The following IFFO2 variants were observed in gnomAD, a reference collection of about 807,000 sequenced individuals.
IFFO2 encodes the protein intermediate filament family orphan 2.
Under a neutral mutation model 53.5 loss-of-function variants are expected in IFFO2, and 19 were observed. The ratio of observed to expected loss-of-function variants is 0.36; its 90% CI spans 0.25 to 0.52. The LOEUF (loss-of-function observed/expected upper bound fraction) is 0.52, where lower values mean the gene tolerates loss of function less well. Among genes scored for constraint, IFFO2 ranks in the 20% least tolerant of loss-of-function variants. IFFO2 has a pLI of 0.94. For synonymous variants in IFFO2, 303 were observed against 313.6 expected (o/e 0.97, Z 0.36); for missense variants, 570 against 727.4 (o/e 0.78, Z 2.49).
At chr1:18,909,835 C>G (rs928449623) in intron 8 of IFFO2, among the ~76,000 whole-genome samples, 2 of 152,098 alleles carry the variant, frequency 1.3e-5, no homozygotes, top group Admixed American at 1.3e-4. Context: ...TGGGCTCAAG[C>G]AATCCTCCCA....
Position 18,955,941 on chromosome 1 carries a change from G to T in IFFO2, c.392C>A (p.Ala131Asp). The change falls in exon 1 of 9, where the codon GCC becomes GAC. Residue 131 changes from alanine to aspartate, a missense_variant. Ala to Asp is a moderately radical substitution (Grantham distance 126). Coordinates refer to ENST00000455833, the MANE Select transcript of IFFO2 (RefSeq NM_001136265.2). ...GGCCACGGCATTGGCGTTGGCGCCG[G>T]CCGCCGCGCCACTGCTGAGGCCGTG... is the stretch of plus-strand genomic sequence containing the variant. ...GGHGLSSGAAAGANANAVALG... is the reference protein window; with the variant it reads ...GGHGLSSGAADGANANAVALG... 1 of 1,265,104 alleles carries T rather than the reference G, an allele frequency of 7.9e-7. No homozygotes were observed. The highest frequency in any genetic ancestry group is 1.6e-5 in the African/African-American group (1 of 63,592). The allele number at this position is 1,265,104 out of a possible 1,614,324, so 78.4% of individuals were successfully genotyped here.
At chr1:18,911,330 C>A in intron 7 of IFFO2, 54 bp downstream of exon 7, 2 of 903,206 alleles carry the variant, frequency 2.2e-6, no homozygotes, top group African/African-American at 1.7e-5. Context: ...AGGATCTCAA[C>A]CATGTGGACC....
intron 5 of IFFO2, among the ~76,000 whole-genome samples, chr1:18,915,544 G>A (rs936612010): frequency 1.3e-5 from 2 of 152,090 alleles, no homozygotes; most frequent in African/African-American, 4.8e-5. Context: ...GTTTCCTACT[G>A]ACAGCGTACT....
At chr1:18,926,009 A>T (rs796637795) in intron 1 of IFFO2, among the ~76,000 whole-genome samples, 330 of 19,130 alleles carry the variant, frequency 0.017, no homozygotes, top group Middle Eastern at 0.021. Flanking sequence ...GATTGGTTGG[A>T]TGGATGGATG....
rs1377228516 is a variant in IFFO2 at position 18,907,925 on chromosome 1, C to G, written c.*636G>C. On this transcript the variant is annotated 3_prime_UTR_variant, in exon 9 of 9. Coordinates refer to ENST00000455833, the MANE Select transcript of IFFO2 (RefSeq NM_001136265.2). ...TGTCCCTTCAACTTTGCCACTCGAT[C>G]CCCCCAAAAAATTAAAATGTGTCCT... The G allele has an allele frequency of 1.3e-5, 2 of 153,292 alleles. No individual in the cohort carries two copies. The highest frequency in any genetic ancestry group is 4.8e-5 in the African/African-American group (2 of 41,468). The allele number at this position is 153,292 out of a possible 1,614,324, so 9.5% of individuals were successfully genotyped here.
chr1:18,920,995 C>T, intron 2 of IFFO2, 66 bp downstream of exon 2: 1 of 1,397,330 alleles, frequency 7.2e-7, no homozygotes, highest in African/African-American at 1.4e-5. Flanking sequence ...CGCATGAAGA[C>T]TGTGCCCCTT....
Position 18,908,530 on chromosome 1 carries a change from C to G in IFFO2, c.*31G>C. 1 of 1,510,800 alleles carries G rather than the reference C, an allele frequency of 6.6e-7. No individual in the cohort carries two copies. Among genetic ancestry groups the G allele is most frequent in the South Asian group, 1.2e-5 (1 of 83,246 alleles). The allele number at this position is 1,510,800 out of a possible 1,614,324, so 93.6% of individuals were successfully genotyped here. A position where few individuals can be genotyped will look rare whatever the true frequency, so the allele number is the denominator to read the frequency against. On this transcript the variant is annotated 3_prime_UTR_variant, in exon 9 of 9. Coordinates refer to ENST00000455833, the MANE Select transcript of IFFO2 (RefSeq NM_001136265.2). ...AGGAGAGGTGGCAGGGCCCCATCAC[C>G]AAGACCACCAGGCTCGCAGGGCCTC...
At chr1:18,921,436 T>G (rs994593760) in intron 1 of IFFO2, among the ~76,000 whole-genome samples, 2 of 152,256 alleles carry the variant, frequency 1.3e-5, no homozygotes, top group African/African-American at 2.4e-5. Flanking sequence ...TAAAGTGCTG[T>G]GCAAGCACTG....
intron 1 of IFFO2, among the ~76,000 whole-genome samples, chr1:18,922,369 C>T (rs1383234137): frequency 1.3e-5 from 2 of 152,142 alleles, no homozygotes; most frequent in Non-Finnish European, 1.5e-5. Flanking sequence ...TACATGGCCT[C>T]GGAGCAGGGC....
chr1:18,915,487 C>T (rs1243980963), intron 5 of IFFO2, among the ~76,000 whole-genome samples: 2 of 152,142 alleles, frequency 1.3e-5, no homozygotes, highest in African/African-American at 4.8e-5. Context: ...CAGGCTCGCC[C>T]ACCACTGATC....
At chr1:18,924,743 G>A (rs955844078) in intron 1 of IFFO2, among the ~76,000 whole-genome samples, 4 of 152,294 alleles carry the variant, frequency 2.6e-5, no homozygotes, top group African/African-American at 4.8e-5. Context: ...CATTTTCCTC[G>A]AGTCTCCCTC....
intron 8 of IFFO2, among the ~76,000 whole-genome samples, chr1:18,908,906 G>A (rs1217845464): frequency 1.3e-5 from 2 of 152,138 alleles, no homozygotes; most frequent in Admixed American, 1.3e-4. Context: ...CTTGGGAGCT[G>A]GACCGTGGAT....
chr1:18,931,846 C>G (rs1310182289), intron 1 of IFFO2, among the ~76,000 whole-genome samples: 1 of 152,208 alleles, frequency 6.6e-6, no homozygotes, highest in Admixed American at 6.5e-5. Context: ...GCCCACACCC[C>G]CAGCACATCA....
chr1:18,918,611 G>T lies in IFFO2; in HGVS notation c.823-109C>A, dbSNP rs1936169934. The T allele has an allele frequency of 1.7e-6, 2 of 1,167,246 alleles. No individual in the cohort carries two copies. The allele number at this position is 1,167,246 out of a possible 1,614,324, so 72.3% of individuals were successfully genotyped here. A position where few individuals can be genotyped will look rare whatever the true frequency, so the allele number is the denominator to read the frequency against. ...GTGTCAGCAGGGGTGGTGCGGGGAG[G>T]CCTCCAGAGTCCGAGGGTGCCTTGG... On this transcript the variant is annotated intron_variant, in intron 3 of 8. Transcript: ENST00000455833. The surrounding 1 kb of genome is among the most constrained non-coding windows in gnomAD (Gnocchi z 5.2).
intron 8 of IFFO2, among the ~76,000 whole-genome samples, chr1:18,909,549 G>T (rs1441653946): frequency 6.6e-6 from 1 of 152,106 alleles, no homozygotes. Flanking sequence ...CGTGGGGGCG[G>T]TTTCCCCCAT....
rs970635416 is a variant in IFFO2 at position 18,907,482 on chromosome 1, G to C, written c.*1079C>G. ...CAGTCCTAACCCAAGGCGGGTAGAA[G>C]GGAGCAGAGACCAGGCCTGGCCCCT... On this transcript the variant is annotated 3_prime_UTR_variant, in exon 9 of 9. Transcript: ENST00000455833. The C allele has an allele frequency of 3.3e-5, 5 of 152,348 alleles. No homozygotes were observed. 9.4% of individuals were successfully genotyped at this position (152,348 alleles called of 1,614,324 possible).
intron 1 of IFFO2, among the ~76,000 whole-genome samples, chr1:18,925,840 A>ATTGGT (rs1557643106): frequency 6.4e-5 from 4 of 62,336 alleles, no homozygotes; most frequent in Admixed American, 4.4e-4. Context: ...GGATGGATGG[A>ATTGGT]TGGATGGATG....
chr1:18,928,321 C>T lies in IFFO2; in HGVS notation c.666-7200G>A, dbSNP rs1936330441. ...ATCAGAGCCCGGCTGCCCAGCTGTA[C>T]TCTCCAGCTCTCGGAAGGAAAGACA... On this transcript the variant is annotated intron_variant, in intron 1 of 8. Transcript: ENST00000455833. The surrounding 1 kb of genome is among the most constrained non-coding windows in gnomAD (Gnocchi z 4.9). Among the ~76,000 whole-genome samples the T allele has an allele frequency of 6.6e-6, 1 of 152,214 alleles. No homozygotes were observed. The highest frequency in any genetic ancestry group is 2.1e-4 in the South Asian group (1 of 4,826).
chr1:18,918,404 G>A lies in IFFO2; in HGVS notation c.921C>T (p.Val307=), dbSNP rs368350318. ...CGTCTTCTGAGTTCCGCTGCTGTGC[G>A]ACATCGCACAGCTTGGCCGTGATAT... The part of the protein sequence containing the change: ...RIDITAKLCD[V]AQQRNSEDVS... Residue 307 remains valine, a synonymous_variant, in exon 4 of 9, where the codon GTC becomes GTT. Transcript: ENST00000455833. The surrounding 1 kb of genome is among the most constrained non-coding windows in gnomAD (Gnocchi z 5.2). 11 of 1,554,902 alleles carry A rather than the reference G, an allele frequency of 7.1e-6. No homozygotes were observed. Among genetic ancestry groups the A allele is most frequent in the East Asian group, 4.9e-5 (2 of 41,164 alleles).
Sources: allele counts gnomAD v4.1 joint callset (sites outside exome capture counted in the v4.1 genomes callset), GRCh38; gene constraint gnomAD v4.1.1; non-coding constraint Gnocchi (gnomAD v3.1); transcripts MANE v1.5; gene names NCBI Gene and HGNC (gene_info 2026-07-23, HGNC 2026-07-21).